PIK3C2G: variants seen among roughly 807,000 people sequenced by gnomAD.
PIK3C2G encodes the protein phosphatidylinositol-4-phosphate 3-kinase catalytic subunit type 2 gamma.
Under a neutral mutation model 181.1 loss-of-function variants are expected in PIK3C2G, and 168 were observed. That is an observed-to-expected ratio of 0.93 (90% CI 0.82 to 1.05). The LOEUF (loss-of-function observed/expected upper bound fraction) is 1.05. Ranked by LOEUF, PIK3C2G falls within the 50% of genes least tolerant of loss-of-function variation. The probability of loss-of-function intolerance (pLI) is 0.00; values close to 1 mark genes in which losing one functional copy is unlikely to be tolerated. For missense variants in PIK3C2G, 1,869 were observed against 1,732.8 expected, an observed-to-expected ratio of 1.08 and a Z score of -1.40; for synonymous variants, 573 against 592.2, an observed-to-expected ratio of 0.97 and a Z score of 0.47.
chr12:18,577,524 A>G (rs966386001), intron 29 of PIK3C2G, among the ~76,000 whole-genome samples: 1 of 152,188 alleles, frequency 6.6e-6, no homozygotes, highest in African/African-American at 2.4e-5. Context: ...TTGAATTAAA[A>G]TCTAATGGGA....
At chr12:18,636,263 G>A (rs968885167) in intron 31 of PIK3C2G, among the ~76,000 whole-genome samples, 8 of 152,010 alleles carry the variant, frequency 5.3e-5, no homozygotes, top group South Asian at 4.1e-4. Flanking sequence ...ATGGAATTTC[G>A]CTCTTGTTGC....
At chr12:18,333,649 G>T (rs141772878) in intron 8 of PIK3C2G, among the ~76,000 whole-genome samples, 2,403 of 152,218 alleles carry the variant, frequency 0.016, 36 homozygotes, top group Non-Finnish European at 0.024. Context: ...AAGCCAAGCT[G>T]CATTTCAAAG....
chr12:18,690,282 G>T, the PIK3C2G span, among the ~76,000 whole-genome samples: 1 of 152,022 alleles, frequency 6.6e-6, no homozygotes, highest in Non-Finnish European at 1.5e-5. Flanking sequence ...GGAGTGCAAC[G>T]GTGCGACCTC....
At chr12:18,558,952 C>G (rs1300743690) in intron 26 of PIK3C2G, among the ~76,000 whole-genome samples, 1 of 152,028 alleles carries the variant, frequency 6.6e-6, no homozygotes, top group Admixed American at 6.6e-5. Flanking sequence ...TTGCTAAATC[C>G]CATCACCAGA....
At chr12:18,411,092 T>G (rs1944844276) in intron 16 of PIK3C2G, among the ~76,000 whole-genome samples, 1 of 152,258 alleles carries the variant, frequency 6.6e-6, no homozygotes, top group South Asian at 2.1e-4. Context: ...CATGACTGGG[T>G]CAATGTCCCA....
chr12:18,656,703 C>G, the PIK3C2G span, among the ~76,000 whole-genome samples: 1 of 152,130 alleles, frequency 6.6e-6, no homozygotes, highest in African/African-American at 2.4e-5. Context: ...CCACTGCACT[C>G]CAGCCTGGGT....
chr12:18,395,012 T>C (rs1202416840), intron 15 of PIK3C2G, among the ~76,000 whole-genome samples: 1 of 145,212 alleles, frequency 6.9e-6, no homozygotes, highest in Non-Finnish European at 1.5e-5. Flanking sequence ...CTTTCTTTCT[T>C]CTTTTTCTTT....
the PIK3C2G span, among the ~76,000 whole-genome samples, chr12:18,718,440 C>T: frequency 6.6e-6 from 1 of 152,110 alleles, no homozygotes; most frequent in African/African-American, 2.4e-5. Flanking sequence ...TTCTCCTCTC[C>T]ATGCTCTACA....
intron 6 of PIK3C2G, among the ~76,000 whole-genome samples, chr12:18,318,214 C>A (rs1950952470): frequency 6.6e-6 from 1 of 152,028 alleles, no homozygotes; most frequent in East Asian, 1.9e-4. Context: ...ACTCATAGAG[C>A]AGGATAAATT....
chr12:18,446,416 A>T (rs1343698928), intron 18 of PIK3C2G, among the ~76,000 whole-genome samples: 1 of 151,576 alleles, frequency 6.6e-6, no homozygotes, highest in East Asian at 1.9e-4. Context: ...TAACTGTGGG[A>T]CTCTCCTTCA....
chr12:18,677,450 T>A, the PIK3C2G span, among the ~76,000 whole-genome samples: 1 of 152,068 alleles, frequency 6.6e-6, no homozygotes, highest in African/African-American at 2.4e-5. Context: ...CATAGAGGGC[T>A]GGTTAGAAGG....
chr12:18,702,090 T>A, the PIK3C2G span, among the ~76,000 whole-genome samples: 1 of 152,150 alleles, frequency 6.6e-6, no homozygotes, highest in African/African-American at 2.4e-5. Flanking sequence ...ATATAAATAC[T>A]TACCATGATA....
chr12:18,616,981 G>T (rs1281889005), intron 31 of PIK3C2G, among the ~76,000 whole-genome samples: 3 of 152,022 alleles, frequency 2.0e-5, no homozygotes, highest in African/African-American at 4.8e-5. Flanking sequence ...GTAAATGCTG[G>T]CAGTCACGCA....
chr12:18,505,441 A>G lies in PIK3C2G; in HGVS notation c.3303A>G (p.Gln1101=). The G allele has an allele frequency of 6.2e-7, 1 of 1,613,218 alleles. No individual in the cohort carries two copies. Among genetic ancestry groups the G allele is most frequent in the Non-Finnish European group, 8.5e-7 (1 of 1,179,502 alleles). Residue 1101 remains glutamine (Q), a synonymous_variant, in exon 24 of 33, where the codon CAA becomes CAG. Transcript: ENST00000538779. ...TTGGAAAATTCTTAGGTCATGCACA[A>G]ACATTTGGAGGGATAAAAAGGTCAG... ...IDFGKFLGHA[Q]TFGGIKRDRA...
chr12:18,610,530 A>C (rs1054034850), intron 31 of PIK3C2G, among the ~76,000 whole-genome samples: 2 of 152,142 alleles, frequency 1.3e-5, no homozygotes, highest in Non-Finnish European at 2.9e-5. Flanking sequence ...GACATCCAAG[A>C]AGGCGTGTTT....
chr12:18,364,084 G>T (rs1941465201), intron 12 of PIK3C2G, among the ~76,000 whole-genome samples: 1 of 152,164 alleles, frequency 6.6e-6, no homozygotes, highest in African/African-American at 2.4e-5. Flanking sequence ...AAGGCCTTTT[G>T]TAGTGTGGCC....
At chr12:18,414,182 G>A (rs958566852) in intron 16 of PIK3C2G, among the ~76,000 whole-genome samples, 2 of 152,044 alleles carry the variant, frequency 1.3e-5, no homozygotes, top group Non-Finnish European at 1.5e-5. Flanking sequence ...TCTTAAAAGG[G>A]CATATGATTT....
At chr12:18,726,701 T>C in the PIK3C2G span, among the ~76,000 whole-genome samples, 1 of 152,206 alleles carries the variant, frequency 6.6e-6, no homozygotes, top group Non-Finnish European at 1.5e-5. Context: ...TTTAAAATAA[T>C]GTGATGAGAA....
At chr12:18,405,029 A>G (rs1162241098) in intron 16 of PIK3C2G, among the ~76,000 whole-genome samples, 2 of 152,192 alleles carry the variant, frequency 1.3e-5, no homozygotes, top group Non-Finnish European at 2.9e-5. Context: ...AAAAGAGAGA[A>G]GAAATAAGGA....
Sources: gnomAD v4.1 joint callset for allele counts (sites outside exome capture counted in the v4.1 genomes callset) on GRCh38, gnomAD v4.1.1 for gene constraint, MANE v1.5 for transcripts, NCBI Gene and HGNC (gene_info 2026-07-23, HGNC 2026-07-21) for gene names.